NCOA2: variants seen among roughly 807,000 people sequenced by gnomAD.
The protein encoded by NCOA2 is nuclear receptor coactivator 2.
In NCOA2, 21 loss-of-function variants were observed where a neutral mutation model predicts 145.1. The observed-to-expected ratio is 0.14, with a 90% CI of 0.10 to 0.21. The LOEUF is 0.21. NCOA2 is among the 10% of genes least tolerant of loss of function. The pLI, the probability that NCOA2 is intolerant of heterozygous loss-of-function variation, is 1.00. For synonymous variants in NCOA2, 619 were observed against 637.5 expected (o/e 0.97, Z 0.44); for missense variants, 1,472 against 1,837.6 (o/e 0.80, Z 3.64).
intron 1 of NCOA2, among the ~76,000 whole-genome samples, chr8:70,302,318 T>C (rs572207239): frequency 6.6e-6 from 1 of 152,150 alleles, no homozygotes; most frequent in Non-Finnish European, 1.5e-5. Context: ...CCCAATAAGT[T>C]TGATGGTGCT....
chr8:70,176,454 T>C (rs1814859695), intron 4 of NCOA2, among the ~76,000 whole-genome samples: 1 of 152,120 alleles, frequency 6.6e-6, no homozygotes, highest in South Asian at 2.1e-4. Flanking sequence ...TCCTGTACAT[T>C]TGTTCTGTCT....
At chr8:70,433,489 A>G in the NCOA2 span, among the ~76,000 whole-genome samples, 1 of 152,186 alleles carries the variant, frequency 6.6e-6, no homozygotes, top group East Asian at 1.9e-4. Context: ...ACATTTTCAA[A>G]GTGACCTTGT....
At chr8:70,143,490 T>C (rs757288327) in intron 13 of NCOA2, among the ~76,000 whole-genome samples, 1 of 152,142 alleles carries the variant, frequency 6.6e-6, no homozygotes, top group African/African-American at 2.4e-5. Context: ...AAATTAATCT[T>C]TGTTTACTGA....
intron 4 of NCOA2, among the ~76,000 whole-genome samples, chr8:70,190,807 G>A (rs933499470): frequency 6.6e-6 from 1 of 152,148 alleles, no homozygotes; most frequent in Non-Finnish European, 1.5e-5. Flanking sequence ...AGTAAGCTGA[G>A]ATCACCTGGG....
intron 2 of NCOA2, among the ~76,000 whole-genome samples, chr8:70,230,708 A>G (rs959381500): frequency 1.3e-5 from 2 of 152,230 alleles, no homozygotes; most frequent in Admixed American, 1.3e-4. Context: ...TTTTTGCTTA[A>G]TAAACATGCT....
At chr8:70,373,838 G>A (rs1313009610) in intron 1 of NCOA2, among the ~76,000 whole-genome samples, 1 of 152,138 alleles carries the variant, frequency 6.6e-6, no homozygotes, top group East Asian at 1.9e-4. Flanking sequence ...CTATTTGAGG[G>A]CTATATTCTG....
intron 11 of NCOA2, among the ~76,000 whole-genome samples, chr8:70,153,073 T>C (rs887108685): frequency 1.3e-5 from 2 of 152,234 alleles, no homozygotes; most frequent in African/African-American, 2.4e-5. Flanking sequence ...GATCTAAATA[T>C]AGGTAATGCA....
intron 1 of NCOA2, among the ~76,000 whole-genome samples, chr8:70,395,616 ATAAGT>A (rs1308057983): frequency 2.6e-5 from 4 of 152,378 alleles, no homozygotes; most frequent in South Asian, 2.1e-4. Flanking sequence ...AAATTTTAAG[ATAAGT>A]TAATATTAAA....
At chr8:70,338,313 C>T (rs762311671) in intron 1 of NCOA2, among the ~76,000 whole-genome samples, 1 of 152,118 alleles carries the variant, frequency 6.6e-6, no homozygotes, top group Non-Finnish European at 1.5e-5. Flanking sequence ...ATAAACACTT[C>T]CATGCACATG....
intron 14 of NCOA2, among the ~76,000 whole-genome samples, chr8:70,140,278 C>T (rs1041530869): frequency 6.6e-6 from 1 of 152,180 alleles, no homozygotes; most frequent in East Asian, 1.9e-4. Context: ...TGAGCCCCTC[C>T]CCACAACTCC....
chr8:70,340,183 T>C (rs1221536705), intron 1 of NCOA2, among the ~76,000 whole-genome samples: 1 of 152,148 alleles, frequency 6.6e-6, no homozygotes, highest in Admixed American at 6.6e-5. Context: ...CATTTGGTAA[T>C]CTATCTTTCT....
rs1554578914 is a variant in NCOA2 at position 70,160,659 on chromosome 8, C to CAGAGAGAAAGAG, written c.977-1008_977-1007insCTCTTTCTCTCT. 3.0e-5 allele frequency among the ~76,000 whole-genome samples: 4 copies of CAGAGAGAAAGAG among 132,256 alleles called. No individual in the cohort carries two copies. The East Asian group carries it at 8.6e-4, about 28-fold the overall frequency. 86.8% of individuals were successfully genotyped at this position (132,256 alleles called of 152,430 possible). ...CCACAAAACTGCCACAAGTGAGAGA[C>CAGAGAGAAAGAG]AGAGAGAGAGAGAGAGAGAGAGGGA... On this transcript the variant is annotated intron_variant, in intron 9 of 22. Transcript: ENST00000452400.
chr8:70,284,715 A>T (rs1347527242), intron 2 of NCOA2, among the ~76,000 whole-genome samples: 1 of 151,902 alleles, frequency 6.6e-6, no homozygotes, highest in Non-Finnish European at 1.5e-5. Flanking sequence ...TACGGAAGAG[A>T]GTGTGTATTA....
chr8:70,114,157 C>T (rs1045221311), intron 22 of NCOA2, among the ~76,000 whole-genome samples: 1 of 152,122 alleles, frequency 6.6e-6, no homozygotes, highest in Admixed American at 6.6e-5. Flanking sequence ...TCCCTGGCTT[C>T]AGCAAGCTAG....
the NCOA2 span, among the ~76,000 whole-genome samples, chr8:70,425,641 C>T: frequency 6.6e-6 from 1 of 152,350 alleles, no homozygotes; most frequent in Admixed American, 6.5e-5. Context: ...CACTTTCCTC[C>T]TTATCCAGCC....
chr8:70,124,166 C>T, intron 20 of NCOA2, 84 bp from the exon 21 acceptor site: 4 of 1,305,594 alleles, frequency 3.1e-6, no homozygotes, highest in Non-Finnish European at 3.2e-6. Flanking sequence ...GTTTCTCAGG[C>T]GTTTACTCTG....
At chr8:70,372,378 T>C (rs150043010) in intron 1 of NCOA2, among the ~76,000 whole-genome samples, 4 of 152,326 alleles carry the variant, frequency 2.6e-5, no homozygotes, top group African/African-American at 9.6e-5. Flanking sequence ...TGTTCAGAAG[T>C]GCTGAGATTA....
intron 13 of NCOA2, among the ~76,000 whole-genome samples, chr8:70,142,530 C>T (rs1305323729): frequency 1.3e-5 from 2 of 152,080 alleles, no homozygotes; most frequent in Non-Finnish European, 2.9e-5. Context: ...GAAGCCTCAT[C>T]TCTATAAAAA....
At chr8:70,161,214 T>C (rs1655354931) in intron 9 of NCOA2, among the ~76,000 whole-genome samples, 1 of 152,244 alleles carries the variant, frequency 6.6e-6, no homozygotes, top group Non-Finnish European at 1.5e-5. Context: ...TGTTTAAATC[T>C]AGTGCAGTGC....
Sources: allele counts gnomAD v4.1 joint callset (sites outside exome capture counted in the v4.1 genomes callset), GRCh38; gene constraint gnomAD v4.1.1; transcripts MANE v1.5; gene names NCBI Gene and HGNC (gene_info 2026-07-23, HGNC 2026-07-21).